GPC6: variants seen among roughly 807,000 people sequenced by gnomAD.
GPC6 encodes the protein glypican 6, also known as glypican-6.
In GPC6, 14 loss-of-function variants were observed where a neutral mutation model predicts 55.2. The observed-to-expected ratio is 0.25, with a 90% CI of 0.17 to 0.40. The LOEUF (loss-of-function observed/expected upper bound fraction) is 0.40, where lower values mean the gene tolerates loss of function less well. Among genes scored for constraint, GPC6 ranks in the 10% least tolerant of loss-of-function variants. GPC6 has a pLI of 1.00. For synonymous variants in GPC6, 278 were observed against 259.6 expected (o/e 1.07, Z -0.68); for missense variants, 641 against 708.5 (o/e 0.90, Z 1.08).
intron 2 of GPC6, among the ~76,000 whole-genome samples, chr13:93,799,792 C>T (rs1161166521): frequency 6.6e-6 from 1 of 152,176 alleles, no homozygotes; most frequent in Non-Finnish European, 1.5e-5. Context: ...TTATCAAAAG[C>T]TCTTCACAGC....
intron 1 of GPC6, among the ~76,000 whole-genome samples, chr13:93,236,235 C>A (rs1262002702): frequency 6.6e-6 from 1 of 151,864 alleles, no homozygotes; most frequent in Non-Finnish European, 1.5e-5. Context: ...TTTTGTTATT[C>A]TTTTAAATTT....
intron 1 of GPC6, among the ~76,000 whole-genome samples, chr13:93,476,434 A>G (rs895033624): frequency 1.3e-5 from 2 of 152,162 alleles, no homozygotes; most frequent in Non-Finnish European, 2.9e-5. Flanking sequence ...TGGTAGGAAC[A>G]AGCAATGAAA....
chr13:93,640,021 T>G (rs1235432669), intron 2 of GPC6, among the ~76,000 whole-genome samples: 1 of 152,174 alleles, frequency 6.6e-6, no homozygotes, highest in Admixed American at 6.6e-5. Flanking sequence ...CAATAATTAC[T>G]ACCAATTATA....
intron 3 of GPC6, among the ~76,000 whole-genome samples, chr13:93,849,813 G>T (rs986924666): frequency 7.2e-5 from 11 of 151,984 alleles, no homozygotes; most frequent in Non-Finnish European, 1.3e-4. Context: ...CATTTCCCTA[G>T]GTGTGGGTAA....
At position 94,404,033 on chromosome 13, in the gene GPC6, A is replaced by AC. The variant is rs750532197; in HGVS notation, c.*821dup. ...CCTTCATCTTCAATTACTAGTAGCT[A>AC]CCCCCATCAATTCACCTTCCTCAAG... On this transcript the variant is annotated 3_prime_UTR_variant, in exon 9 of 9. Transcript: ENST00000377047. 6.6e-5 allele frequency: 10 copies of AC among 152,066 alleles called. No homozygotes were observed. The highest frequency in any genetic ancestry group is 1.2e-4 in the Non-Finnish European group (8 of 68,064). 9.4% of individuals were successfully genotyped at this position (152,066 alleles called of 1,614,324 possible).
Position 93,235,146 on chromosome 13 carries a change from A to G in GPC6, c.160+7530A>G, listed in dbSNP as rs192959523. Among the ~76,000 whole-genome samples, 20 of 152,318 alleles carry G rather than the reference A, an allele frequency of 1.3e-4. No individual in the cohort carries two copies. The East Asian group carries it at 2.9e-3, about 22-fold the overall frequency. On this transcript the variant is annotated intron_variant, in intron 1 of 8. Coordinates refer to ENST00000377047, the MANE Select transcript of GPC6 (RefSeq NM_005708.5). ...TTTAATCTAAGTACCAAATATCATT[A>G]CTGATTATAATAACAACGAGAGGTT...
In GPC6 at chr13:94,061,342, C is replaced by T. The variant is rs141120800; in HGVS notation, c.877+33448C>T. Among the ~76,000 whole-genome samples, 507 of 152,166 alleles carry T rather than the reference C, an allele frequency of 3.3e-3. 6 individuals are homozygous for T. Among genetic ancestry groups the T allele is most frequent in the African/African-American group, 0.012 (494 of 41,522 alleles). On this transcript the variant is annotated intron_variant, in intron 4 of 8. Transcript: ENST00000377047. ...ACTGTTTATTTTTATATGAAAGAAA[C>T]ACAATTTATTAAACAAGACAAGAAA...
chr13:93,707,427 C>A (rs1882891474), intron 2 of GPC6, among the ~76,000 whole-genome samples: 1 of 151,598 alleles, frequency 6.6e-6, no homozygotes, highest in African/African-American at 2.4e-5. Context: ...GACTTAGTAG[C>A]ATATTCCATT....
chr13:93,767,598 C>T (rs1469379043), intron 2 of GPC6, among the ~76,000 whole-genome samples: 10 of 152,072 alleles, frequency 6.6e-5, no homozygotes, highest in African/African-American at 2.2e-4. Context: ...AAATGGCAAA[C>T]GCTTGCTCCA....
At chr13:93,304,771 A>G (rs1004227448) in intron 1 of GPC6, among the ~76,000 whole-genome samples, 7 of 152,294 alleles carry the variant, frequency 4.6e-5, no homozygotes, top group African/African-American at 1.7e-4. Context: ...ATAGAGAATT[A>G]CTAAGAGGAT....
intron 2 of GPC6, among the ~76,000 whole-genome samples, chr13:93,546,750 C>A (rs2139435732): frequency 6.6e-6 from 1 of 152,290 alleles, no homozygotes; most frequent in African/African-American, 2.4e-5. Context: ...TACACTCTAT[C>A]ACTTCAAGCT....
At chr13:94,297,338 C>G (rs1245303714) in intron 5 of GPC6, among the ~76,000 whole-genome samples, 2 of 152,136 alleles carry the variant, frequency 1.3e-5, no homozygotes, top group Non-Finnish European at 2.9e-5. Context: ...ATGTAAATTA[C>G]ATGCTTACTT....
chr13:93,884,374 C>G (rs1875195568), intron 3 of GPC6, among the ~76,000 whole-genome samples: 1 of 152,024 alleles, frequency 6.6e-6, no homozygotes. Context: ...TCTTTGTATC[C>G]TTACCATAAT....
chr13:94,392,492 T>C (rs2389095), intron 7 of GPC6, among the ~76,000 whole-genome samples: 84,485 of 142,354 alleles, frequency 0.59, 25,702 homozygotes, highest in African/African-American at 0.69. Context: ...GCAATGGCCG[T>C]GATCTCAGCT....
intron 2 of GPC6, among the ~76,000 whole-genome samples, chr13:93,607,722 C>T (rs147297659): frequency 2.8e-4 from 42 of 152,300 alleles, no homozygotes; most frequent in African/African-American, 9.4e-4. Flanking sequence ...GAATAGCGTT[C>T]AATTTTCACA....
At chr13:93,425,162 G>A (rs1036857426) in intron 1 of GPC6, among the ~76,000 whole-genome samples, 11 of 152,156 alleles carry the variant, frequency 7.2e-5, no homozygotes, top group South Asian at 2.1e-4. Flanking sequence ...AATTCGTGAT[G>A]AATGAATTAC....
chr13:94,387,730 T>TCTC (rs1880468814), intron 7 of GPC6, among the ~76,000 whole-genome samples: 2 of 141,154 alleles, frequency 1.4e-5, no homozygotes, highest in Admixed American at 7.1e-5. Flanking sequence ...AGACATGAGT[T>TCTC]TCTCTCTCTC....
At chr13:94,090,092 T>G (rs2138810130) in intron 4 of GPC6, among the ~76,000 whole-genome samples, 1 of 141,642 alleles carries the variant, frequency 7.1e-6, no homozygotes, top group African/African-American at 2.6e-5. Context: ...AGAAAAAGGT[T>G]TAATGGACTC....
chr13:93,238,691 A>G (rs1876324272), intron 1 of GPC6, among the ~76,000 whole-genome samples: 1 of 139,616 alleles, frequency 7.2e-6, no homozygotes, highest in Non-Finnish European at 1.6e-5. Context: ...GATGCTTTCA[A>G]CTTTTCCCCT....
Sources: allele counts gnomAD v4.1 joint callset (sites outside exome capture counted in the v4.1 genomes callset), GRCh38; gene constraint gnomAD v4.1.1; transcripts MANE v1.5; gene names NCBI Gene and HGNC (gene_info 2026-07-23, HGNC 2026-07-21).